DLG2: variants seen among roughly 807,000 people sequenced by gnomAD.
DLG2 encodes the protein disks large homolog 2.
A neutral mutation model predicts 132.5 loss-of-function variants in DLG2; 45 were observed. The ratio of observed to expected loss-of-function variants is 0.34; its 90% CI spans 0.27 to 0.44. The LOEUF is 0.44. Among genes scored for constraint, DLG2 ranks in the 20% least tolerant of loss-of-function variants. DLG2 has a pLI of 1.00. For synonymous variants in DLG2, 424 were observed against 419.6 expected (o/e 1.01, Z -0.13); for missense variants, 1,045 against 1,196.9 (o/e 0.87, Z 1.87).
chr11:83,807,095 A>C (rs570513341), intron 17 of DLG2, among the ~76,000 whole-genome samples: 1 of 152,290 alleles, frequency 6.6e-6, no homozygotes, highest in Non-Finnish European at 1.5e-5. Context: ...CAGCAACAGA[A>C]TCATTTCAAA....
chr11:84,655,738 GT>G (rs5793131), intron 6 of DLG2, among the ~76,000 whole-genome samples: 9,217 of 135,050 alleles, frequency 0.068, 312 homozygotes, highest in South Asian at 0.088. Flanking sequence ...TTTTTTGTTT[GT>G]TTTTTTTTTT....
intron 15 of DLG2, among the ~76,000 whole-genome samples, chr11:83,921,566 A>G (rs1191665341): frequency 1.3e-5 from 2 of 152,192 alleles, no homozygotes; most frequent in Non-Finnish European, 2.9e-5. Context: ...AGTGGTTTTA[A>G]TTAATATCTA....
chr11:85,185,964 C>G (rs1428374622), intron 4 of DLG2, among the ~76,000 whole-genome samples: 1 of 151,926 alleles, frequency 6.6e-6, no homozygotes, highest in South Asian at 2.1e-4. Context: ...TAAGTTACAG[C>G]CAAGAGATTT....
intron 4 of DLG2, among the ~76,000 whole-genome samples, chr11:85,169,440 T>A (rs1224835026): frequency 1.3e-5 from 2 of 152,148 alleles, no homozygotes; most frequent in African/African-American, 4.8e-5. Flanking sequence ...AAACTATGTA[T>A]GAGCCATACA....
At chr11:83,472,588 G>C (rs371119224) in intron 23 of DLG2, 139 bp downstream of exon 23, 7 of 682,642 alleles carry the variant, frequency 1.0e-5, no homozygotes, top group East Asian at 8.3e-5. Context: ...GAGAGACAGC[G>C]TAAGAGTAAG....
intron 7 of DLG2, among the ~76,000 whole-genome samples, chr11:84,529,988 GCACACC>G (rs2099331238): frequency 1.3e-5 from 2 of 152,050 alleles, no homozygotes; most frequent in African/African-American, 4.8e-5. Context: ...CAATAATGCT[GCACACC>G]GACGATTATC....
At chr11:85,469,664 G>A (rs1306202841) in intron 3 of DLG2, 4 of 152,188 alleles carry the variant, frequency 2.6e-5, no homozygotes, top group Non-Finnish European at 5.9e-5. Flanking sequence ...CGCATACAAG[G>A]TTTGTAGTTC....
intron 11 of DLG2, among the ~76,000 whole-genome samples, chr11:83,998,580 T>C (rs2094172330): frequency 6.6e-6 from 1 of 152,140 alleles, no homozygotes; most frequent in Non-Finnish European, 1.5e-5. Context: ...TGAGACATCT[T>C]TAGTGGTCCA....
intron 19 of DLG2, among the ~76,000 whole-genome samples, chr11:83,623,459 A>C (rs485199): frequency 2.0e-5 from 3 of 151,990 alleles, no homozygotes; most frequent in Non-Finnish European, 2.9e-5. Context: ...ACTGTCCGGA[A>C]GCAGAATTTA....
chr11:84,637,362 G>A (rs1404927358), intron 6 of DLG2, among the ~76,000 whole-genome samples: 1 of 152,166 alleles, frequency 6.6e-6, no homozygotes, highest in Non-Finnish European at 1.5e-5. Context: ...ATATTGAACT[G>A]AATGTTTAAT....
At chr11:83,465,538 A>T (rs936426231) in intron 26 of DLG2, among the ~76,000 whole-genome samples, 9 of 152,182 alleles carry the variant, frequency 5.9e-5, no homozygotes, top group African/African-American at 1.7e-4. Context: ...GGCCCTCATG[A>T]CAGACACATT....
chr11:85,517,365 C>T (rs963602642), intron 3 of DLG2, among the ~76,000 whole-genome samples: 2 of 152,076 alleles, frequency 1.3e-5, no homozygotes, highest in Non-Finnish European at 2.9e-5. Context: ...CCCCCTAAAA[C>T]TGAAACAAGA....
Position 85,456,846 on chromosome 11 carries a change from C to CTGA in DLG2, c.40+141810_40+141811insTCA, listed in dbSNP as rs1159544073. 9.9e-5 allele frequency among the ~76,000 whole-genome samples: 15 copies of CTGA among 152,204 alleles called. 1 individual carries two copies. Among genetic ancestry groups the CTGA allele is most frequent in the African/African-American group, 3.4e-4 (14 of 41,542 alleles). ...TCTGAAAGTGTGGTTGGTATGATAT[C>CTGA]AATTGTTTTGAATTTGCCAAGGATT... On this transcript the variant is annotated intron_variant, in intron 3 of 27. Coordinates refer to ENST00000376104, the MANE Select transcript of DLG2 (RefSeq NM_001142699.3).
At chr11:84,566,206 A>G (rs1555044570) in intron 6 of DLG2, among the ~76,000 whole-genome samples, 1 of 151,546 alleles carries the variant, frequency 6.6e-6, no homozygotes, top group Non-Finnish European at 1.5e-5. Context: ...CAATTGATCC[A>G]CCCTCCTCGG....
chr11:83,674,454 A>C lies in DLG2; in HGVS notation c.1826-41129T>G, dbSNP rs7935555. ...AGGAAGCCACAAAACAAGACAAAGAAGATTTTATCTGGTTTGTGCTATGGG... is the reference window on the plus strand; with the variant it reads ...AGGAAGCCACAAAACAAGACAAAGACGATTTTATCTGGTTTGTGCTATGGG... On this transcript the variant is annotated intron_variant, in intron 18 of 27. Coordinates refer to ENST00000376104, the MANE Select transcript of DLG2 (RefSeq NM_001142699.3). 2.1e-3 allele frequency among the ~76,000 whole-genome samples: 313 copies of C among 152,364 alleles called. 2 individuals are homozygous for C. Among genetic ancestry groups the C allele is most frequent in the African/African-American group, 7.1e-3 (294 of 41,596 alleles).
intron 17 of DLG2, among the ~76,000 whole-genome samples, chr11:83,828,623 G>C (rs528599119): frequency 1.3e-5 from 2 of 152,248 alleles, no homozygotes; most frequent in East Asian, 3.9e-4. Context: ...CTGTTTCAGT[G>C]TTCTACGAAA....
intron 7 of DLG2, 149 bp from the exon 8 acceptor site, chr11:84,251,440 T>C: frequency 2.0e-6 from 1 of 510,990 alleles, no homozygotes. Context: ...GTAAATAAAA[T>C]GACTAAGAGT....
chr11:84,005,755 CA>C (rs2094544517), intron 11 of DLG2, among the ~76,000 whole-genome samples: 1 of 151,540 alleles, frequency 6.6e-6, no homozygotes, highest in African/African-American at 2.4e-5. Flanking sequence ...AAATGCAAAT[CA>C]AAAACCACAA....
intron 7 of DLG2, among the ~76,000 whole-genome samples, chr11:84,490,247 A>G (rs1264635715): frequency 1.3e-5 from 2 of 152,150 alleles, no homozygotes; most frequent in Non-Finnish European, 2.9e-5. Flanking sequence ...TTGTATTACT[A>G]AAGTGCCTAA....
Sources: gnomAD v4.1 joint callset for allele counts (sites outside exome capture counted in the v4.1 genomes callset) on GRCh38, gnomAD v4.1.1 for gene constraint, MANE v1.5 for transcripts, NCBI Gene and HGNC (gene_info 2026-07-23, HGNC 2026-07-21) for gene names.